Variants in MED12L observed in about 807,000 individuals in gnomAD.
MED12L encodes mediator of RNA polymerase II transcription subunit 12-like protein.
A neutral mutation model predicts 281.3 loss-of-function variants in MED12L; 60 were observed. The ratio of observed to expected loss-of-function variants is 0.21; its 90% CI spans 0.17 to 0.26. MED12L has a LOEUF of 0.26. MED12L is among the 10% of genes least tolerant of loss of function. The pLI is 1.00. For missense variants in MED12L, 2,146 were observed against 2,680.9 expected (o/e 0.80, Z 4.41); for synonymous variants, 974 against 987.2 (o/e 0.99, Z 0.25).
intron 2 of MED12L, among the ~76,000 whole-genome samples, chr3:151,115,996 G>GGA (rs1307025373): frequency 6.6e-6 from 1 of 150,522 alleles, no homozygotes; most frequent in Non-Finnish European, 1.5e-5. Flanking sequence ...CCCGAGAGGT[G>GGA]GAGGTTGCAG....
At chr3:151,317,847 A>G (rs1024546824) in intron 16 of MED12L, among the ~76,000 whole-genome samples, 1 of 152,204 alleles carries the variant, frequency 6.6e-6, no homozygotes, top group African/African-American at 2.4e-5. Flanking sequence ...ATTTAAAAAA[A>G]TAAAATTTCA....
Position 151,355,256 on chromosome 3 carries a change from G to C in MED12L, c.2517+17G>C. 2 of 1,539,946 alleles carry C rather than the reference G, an allele frequency of 1.3e-6. No individual in the cohort carries two copies. The highest frequency in any genetic ancestry group is 2.3e-5 in the East Asian group (1 of 44,408). On this transcript the variant is annotated intron_variant, in intron 18 of 44. Coordinates refer to ENST00000687756, the MANE Select transcript of MED12L (RefSeq NM_001393769.1). ...ACATCTCAGGTAGCTATTTAAAGCT[G>C]TTTATTATGCATTTGCAGTATTCTA...
At chr3:151,221,911 G>A (rs373344531) in intron 16 of MED12L, among the ~76,000 whole-genome samples, 13 of 152,166 alleles carry the variant, frequency 8.5e-5, no homozygotes, top group Admixed American at 5.2e-4. Context: ...AGCTTGCACC[G>A]CTGGTCTGGA....
intron 16 of MED12L, chr3:151,198,342 G>GTTTTTTTT (rs11431846): frequency 3.1e-6 from 2 of 636,130 alleles, no homozygotes. Flanking sequence ...GTTTTTTTTT[G>GTTTTTTTT]TTTTTTTTTT....
At position 151,384,238 on chromosome 3, in the gene MED12L, G is replaced by A. The variant is rs2108161325; in HGVS notation, c.4926+20G>A. 1.3e-6 allele frequency: 2 copies of A among 1,585,408 alleles called. No homozygotes were observed. Among genetic ancestry groups the A allele is most frequent in the Non-Finnish European group, 1.7e-6 (2 of 1,168,332 alleles). On this transcript the variant is annotated intron_variant, in intron 35 of 44. Coordinates refer to ENST00000687756, the MANE Select transcript of MED12L (RefSeq NM_001393769.1). ...CTGAAAGTAAGTTTGAGATCAGCCT[G>A]TATTATGAGCTCAAGTTGTTTATGG... is the stretch of plus-strand genomic sequence containing the variant.
chr3:151,417,178 A>T (rs1044495775), intron 43 of MED12L, among the ~76,000 whole-genome samples: 3 of 152,350 alleles, frequency 2.0e-5, no homozygotes, highest in Non-Finnish European at 4.4e-5. Context: ...GAGTGATGTG[A>T]ATTGCATGAA....
At chr3:151,243,580 A>C (rs919315078) in intron 16 of MED12L, among the ~76,000 whole-genome samples, 3 of 152,146 alleles carry the variant, frequency 2.0e-5, no homozygotes, top group African/African-American at 7.2e-5. Flanking sequence ...AGATTTTGTC[A>C]CCACCAGGCC....
At chr3:151,261,405 A>G (rs1920396) in intron 16 of MED12L, 70,576 of 152,012 alleles carry the variant, frequency 0.46, 16,523 homozygotes, top group Middle Eastern at 0.65. Flanking sequence ...GTGGAGGGTA[A>G]GAGGGATGGT....
chr3:151,391,275 T>G (rs142394831), intron 38 of MED12L, among the ~76,000 whole-genome samples: 1,615 of 152,298 alleles, frequency 0.011, 31 homozygotes, highest in Middle Eastern at 0.014. Context: ...GTTCAGTAAG[T>G]GATCTTCACA....
chr3:151,306,009 A>G (rs1746586708), intron 16 of MED12L, among the ~76,000 whole-genome samples: 1 of 152,164 alleles, frequency 6.6e-6, no homozygotes, highest in African/African-American at 2.4e-5. Flanking sequence ...GGCTCACAGC[A>G]TACGCGTTGA....
chr3:151,416,403 T>A lies in MED12L; in HGVS notation c.6389T>A (p.Met2130Lys), dbSNP rs200120968. The change falls in exon 43 of 45, where the codon ATG becomes AAG. Residue 2130 changes from methionine (M) to lysine (K), a missense_variant. This residue lies in a region of MED12L where 496 missense variants were observed against 512.0 expected (regional missense o/e 0.97). Coordinates refer to ENST00000687756, the MANE Select transcript of MED12L (RefSeq NM_001393769.1). ...AGTCAGACCCTTGGTCTCCAAGCAATGCAGCCCCAGCAGCCCTTGGTAAGG... is the reference window on the plus strand; with the variant it reads ...AGTCAGACCCTTGGTCTCCAAGCAAAGCAGCCCCAGCAGCCCTTGGTAAGG... Reference protein sequence around the residue: ...SQSQTLGLQAMQPQQPLFPRQ... With the variant: ...SQSQTLGLQAKQPQQPLFPRQ... 134 of 1,365,942 alleles carry A rather than the reference T, an allele frequency of 9.8e-5. No homozygotes were observed. The highest frequency in any genetic ancestry group is 1.3e-4 in the Non-Finnish European group (132 of 1,022,996). The allele number at this position is 1,365,942 out of a possible 1,614,324, so 84.6% of individuals were successfully genotyped here. A position where few individuals can be genotyped will look rare whatever the true frequency, so the allele number is the denominator to read the frequency against.
In MED12L at chr3:151,293,576, TACACACACACACAC is replaced by T. The variant is rs55846173; in HGVS notation, c.2251-56454_2251-56441del. ...ACAGAGGGTCCTAAAATGAAGCCCTTACACACACACACACACACACACACACACACACACACACA... is the reference window on the plus strand; with the variant it reads ...ACAGAGGGTCCTAAAATGAAGCCCTTACACACACACACACACACACACACA... On this transcript the variant is annotated intron_variant, in intron 16 of 44. Coordinates refer to ENST00000687756, the MANE Select transcript of MED12L (RefSeq NM_001393769.1). 1.6e-4 allele frequency among the ~76,000 whole-genome samples: 12 copies of T among 76,200 alleles called. No individual in the cohort carries two copies. The East Asian group carries it at 1.8e-3, about 11-fold the overall frequency. The allele number at this position is 76,200 out of a possible 152,430, so 50.0% of individuals were successfully genotyped here.
At chr3:151,419,274 A>T (rs139810189) in intron 43 of MED12L, among the ~76,000 whole-genome samples, 203 of 152,386 alleles carry the variant, frequency 1.3e-3, no homozygotes, top group African/African-American at 4.4e-3. Flanking sequence ...GTATTAACTC[A>T]CATGACCACA....
chr3:151,233,547 A>G (rs1048796212), intron 16 of MED12L, among the ~76,000 whole-genome samples: 1 of 152,198 alleles, frequency 6.6e-6, no homozygotes, highest in African/African-American at 2.4e-5. Context: ...CAGCCTGACC[A>G]ACATGGAGAA....
chr3:151,368,702 T>TTCATGTCATG (rs1755748242), intron 25 of MED12L, among the ~76,000 whole-genome samples: 4 of 63,068 alleles, frequency 6.3e-5, no homozygotes, highest in African/African-American at 3.2e-4. Context: ...TTCATTTCAT[T>TTCATGTCATG]TCATTTCATT....
In MED12L at chr3:151,377,162, A is replaced by G. The variant is rs532990430; in HGVS notation, c.4300A>G (p.Ile1434Val). The change falls in exon 30 of 45, where the codon ATA becomes GTA. Residue 1434 changes from isoleucine to valine, a missense_variant. By Grantham distance (29) the Ile-to-Val change is conservative (BLOSUM62 3). Coordinates refer to ENST00000687756, the MANE Select transcript of MED12L (RefSeq NM_001393769.1). ...ADTSSTRQNG[I>V]KTFLSSSERR... ...TACAAGTAGCACGAGACAGAATGGA[A>G]TAAAGACATTCCTAAGGTATTTTTG... The G allele has an allele frequency of 4.3e-6, 7 of 1,610,080 alleles. No individual in the cohort carries two copies. The African/African-American group carries it at 6.7e-5, about 15-fold the overall frequency.
At chr3:151,349,584 C>T (rs901632969) in intron 16 of MED12L, among the ~76,000 whole-genome samples, 5 of 147,464 alleles carry the variant, frequency 3.4e-5, no homozygotes, top group African/African-American at 1.3e-4. Flanking sequence ...GCACCCTGTC[C>T]AGGAATATTT....
intron 16 of MED12L, among the ~76,000 whole-genome samples, chr3:151,219,893 C>G (rs1434601489): frequency 2.3e-4 from 1 of 4,404 alleles, no homozygotes; most frequent in Non-Finnish European, 5.5e-4. Flanking sequence ...TTTATATTAC[C>G]CCCCCCCCCC....
rs773625671 is a variant in MED12L at position 151,160,002 on chromosome 3, C to A, written c.1008C>A (p.Pro336=). The change falls in exon 8 of 45, where the codon CCC becomes CCA. Residue 336 remains proline (P), a synonymous_variant. Transcript: ENST00000687756. The part of the protein sequence containing the change: ...NSSIGAPSPG[P]PGPGMSPVQL... ...GTATCGGGGCCCCCAGCCCTGGCCC[C>A]CCCGGCCCTGGCATGAGCCCCGTGC... 6.2e-7 allele frequency: 1 copy of A among 1,614,196 alleles called. No homozygotes were observed. The highest frequency in any genetic ancestry group is 1.1e-5 in the South Asian group (1 of 91,090).
Sources: allele counts gnomAD v4.1 joint callset (sites outside exome capture counted in the v4.1 genomes callset), GRCh38; gene constraint gnomAD v4.1.1; regional missense constraint gnomAD v4.1.1; transcripts MANE v1.5; gene names NCBI Gene and HGNC (gene_info 2026-07-23, HGNC 2026-07-21).